FAT3: variants seen among roughly 807,000 people sequenced by gnomAD.
The protein encoded by FAT3 is protocadherin Fat 3.
FAT3 carries 95 observed loss-of-function variants against 310.2 expected under a neutral mutation model. The observed-to-expected ratio is 0.31, with a 90% CI of 0.26 to 0.36. The LOEUF (loss-of-function observed/expected upper bound fraction) is 0.36. FAT3 is among the 10% of genes least tolerant of loss of function. FAT3 has a pLI of 1.00. For missense variants in FAT3, 5,408 were observed against 5,715.6 expected (o/e 0.95, Z 1.74); for synonymous variants, 2,314 against 2,192.9 (o/e 1.06, Z -1.54).
At chr11:92,496,919 C>G (rs1261011237) in intron 2 of FAT3, among the ~76,000 whole-genome samples, 2 of 152,008 alleles carry the variant, frequency 1.3e-5, no homozygotes, top group Non-Finnish European at 2.9e-5. Flanking sequence ...CTGCAATGAT[C>G]CTAAACATGA....
intron 3 of FAT3, among the ~76,000 whole-genome samples, chr11:92,529,993 T>A (rs1337972111): frequency 6.6e-6 from 1 of 152,352 alleles, no homozygotes; most frequent in Middle Eastern, 3.4e-3. Flanking sequence ...GTGTGTGTGC[T>A]GTAAGAATAC....
intron 8 of FAT3, 135 bp from the exon 9 acceptor site, chr11:92,792,632 C>A: frequency 1.4e-6 from 1 of 737,098 alleles, no homozygotes; most frequent in Non-Finnish European, 2.3e-6. Flanking sequence ...ATTTACTGAG[C>A]ACCTACTAGA....
chr11:92,342,561 A>T (rs1307106894), intron 1 of FAT3, among the ~76,000 whole-genome samples: 1 of 152,190 alleles, frequency 6.6e-6, no homozygotes, highest in East Asian at 1.9e-4. Flanking sequence ...GACTGTAGCA[A>T]TCAGAGGCTC....
intron 2 of FAT3, among the ~76,000 whole-genome samples, chr11:92,523,577 GGAATACAGAGGATAGA>G (rs1953754835): frequency 6.6e-6 from 1 of 152,166 alleles, no homozygotes; most frequent in African/African-American, 2.4e-5. Flanking sequence ...AAGTTTAACA[GGAATACAGAGGATAGA>G]GAATTCAGGG....
chr11:92,873,467 C>T (rs1949444441), intron 22 of FAT3, among the ~76,000 whole-genome samples: 1 of 152,158 alleles, frequency 6.6e-6, no homozygotes, highest in African/African-American at 2.4e-5. Context: ...GCAGCCAAAC[C>T]TGATCAGAAT....
intron 3 of FAT3, among the ~76,000 whole-genome samples, chr11:92,597,461 A>G (rs1171761198): frequency 6.6e-6 from 1 of 152,148 alleles, no homozygotes; most frequent in Non-Finnish European, 1.5e-5. Context: ...AAGCTCTACC[A>G]TGTGCATTAT....
intron 1 of FAT3, among the ~76,000 whole-genome samples, chr11:92,330,323 T>C (rs188158712): frequency 4.3e-4 from 65 of 152,374 alleles, no homozygotes; most frequent in Admixed American, 1.4e-3. Context: ...TCCCCCTCTC[T>C]GCTTTATTCA....
intron 3 of FAT3, among the ~76,000 whole-genome samples, chr11:92,590,071 A>G (rs1158768647): frequency 1.3e-5 from 2 of 152,092 alleles, no homozygotes; most frequent in African/African-American, 2.4e-5. Flanking sequence ...TGTCATTCCA[A>G]TAAGTTTTCT....
At chr11:92,576,127 T>C (rs1196127282) in intron 3 of FAT3, among the ~76,000 whole-genome samples, 1 of 152,164 alleles carries the variant, frequency 6.6e-6, no homozygotes, top group Non-Finnish European at 1.5e-5. Context: ...ATTTTAAGAA[T>C]AGCGTCTTAA....
In FAT3 at chr11:92,801,486, G is replaced by C; in HGVS notation, c.8473G>C (p.Glu2825Gln). The change falls in exon 10 of 28, where the codon GAA becomes CAA. Residue 2825 changes from glutamate (E) to glutamine (Q), a missense_variant. Around this residue, in one of 5 missense-constraint regions of FAT3, gnomAD observed 4,588 missense variants for 4,809.8 expected, o/e 0.95. Coordinates refer to ENST00000525166, the MANE Select transcript of FAT3 (RefSeq NM_001367949.2). ...ETSSYDTIIM[E>Q]GMPVGTKLTQ... The stretch of plus-strand genomic sequence containing the variant: ...TTCAAGCTATGACACCATTATAATG[G>C]AAGGGATGCCTGTTGGCACCAAACT... The C allele has an allele frequency of 6.2e-7, 1 of 1,613,226 alleles. No homozygotes were observed. Among genetic ancestry groups the C allele is most frequent in the Non-Finnish European group, 8.5e-7 (1 of 1,179,544 alleles).
At chr11:92,523,522 C>T (rs1248747937) in intron 2 of FAT3, among the ~76,000 whole-genome samples, 1 of 152,122 alleles carries the variant, frequency 6.6e-6, no homozygotes, top group African/African-American at 2.4e-5. Context: ...TGGCAGTTTG[C>T]TTATGCAGGG....
intron 3 of FAT3, among the ~76,000 whole-genome samples, chr11:92,625,097 G>A (rs1565467205): frequency 6.6e-6 from 1 of 152,174 alleles, no homozygotes; most frequent in African/African-American, 2.4e-5. Context: ...GGTGGGTGTA[G>A]GGCCATTCCC....
At chr11:92,442,097 A>ATTTT (rs1565320021) in intron 2 of FAT3, among the ~76,000 whole-genome samples, 5 of 45,826 alleles carry the variant, frequency 1.1e-4, no homozygotes, top group South Asian at 8.3e-4. Flanking sequence ...ATATATATAT[A>ATTTT]TATATATATA....
chr11:92,578,787 A>G (rs1237040173), intron 3 of FAT3, among the ~76,000 whole-genome samples: 8 of 152,160 alleles, frequency 5.3e-5, no homozygotes. Flanking sequence ...TTAGGGACAC[A>G]TTAGATCACT....
chr11:92,606,264 G>T (rs1940291989), intron 3 of FAT3, among the ~76,000 whole-genome samples: 7 of 152,194 alleles, frequency 4.6e-5, no homozygotes, highest in Admixed American at 4.6e-4. Context: ...TACTTCTAAA[G>T]AATTACTAGG....
chr11:92,352,646 C>T lies in FAT3; in HGVS notation c.534C>T (p.Ala178=). The T allele has an allele frequency of 1.2e-6, 2 of 1,613,748 alleles. No individual in the cohort carries two copies. The highest frequency in any genetic ancestry group is 1.7e-6 in the Non-Finnish European group (2 of 1,179,838). Reference sequence around the variant, plus strand: ...GCACACCTCTAAGGACTAGTGTTGCCCAGGTGACTGCAACAGACGCAGATA... The same window carrying T: ...GCACACCTCTAAGGACTAGTGTTGCTCAGGTGACTGCAACAGACGCAGATA... ...AESTPLRTSV[A]QVTATDADIG... Residue 178 remains alanine, a synonymous_variant, in exon 2 of 28, where the codon GCC becomes GCT. Transcript: ENST00000525166.
intron 3 of FAT3, among the ~76,000 whole-genome samples, chr11:92,581,516 G>C (rs1938798852): frequency 6.6e-6 from 1 of 151,996 alleles, no homozygotes; most frequent in South Asian, 2.1e-4. Context: ...GCTTTCATGT[G>C]ACAGTTCAGA....
At chr11:92,309,412 ACACAC>A (rs1377448653) in intron 1 of FAT3, among the ~76,000 whole-genome samples, 1 of 138,484 alleles carries the variant, frequency 7.2e-6, no homozygotes, top group Non-Finnish European at 1.5e-5. Context: ...ACACACACAC[ACACAC>A]ACTTTTCTCC....
chr11:92,332,166 G>A (rs1310901370), intron 1 of FAT3, among the ~76,000 whole-genome samples: 1 of 152,214 alleles, frequency 6.6e-6, no homozygotes, highest in African/African-American at 2.4e-5. Context: ...TTCACCCTGT[G>A]TATGAGCTTC....
Sources: allele counts gnomAD v4.1 joint callset (sites outside exome capture counted in the v4.1 genomes callset), GRCh38; gene constraint gnomAD v4.1.1; regional missense constraint gnomAD v4.1.1; transcripts MANE v1.5; gene names NCBI Gene and HGNC (gene_info 2026-07-23, HGNC 2026-07-21).